RFT1: variants seen among roughly 807,000 people sequenced by gnomAD.
The protein encoded by RFT1 is RFT1 glycolipid translocator homolog, also known as man(5)GlcNAc(2)-PP-dolichol translocation protein RFT1.
RFT1 carries 43 observed loss-of-function variants against 62.2 expected under a neutral mutation model. The observed-to-expected ratio is 0.69, with a 90% CI of 0.54 to 0.89. The LOEUF is 0.89. RFT1 is among the 40% of genes least tolerant of loss of function. RFT1 has a pLI of 0.00. For missense variants in RFT1, 605 were observed against 649.9 expected, an observed-to-expected ratio of 0.93 and a Z score of 0.75; for synonymous variants, 262 against 264.6, an observed-to-expected ratio of 0.99 and a Z score of 0.10.
At chr3:53,107,102 T>G (rs1373345374) in intron 7 of RFT1, among the ~76,000 whole-genome samples, 1 of 146,154 alleles carries the variant, frequency 6.8e-6, no homozygotes, top group Non-Finnish European at 1.5e-5. Flanking sequence ...AAATTACAAA[T>G]AAAAAAAAAT....
intron 7 of RFT1, among the ~76,000 whole-genome samples, chr3:53,108,796 G>A (rs932749089): frequency 6.6e-6 from 1 of 151,856 alleles, no homozygotes; most frequent in Non-Finnish European, 1.5e-5. Context: ...TGCCTCCCGA[G>A]TAGCTGGGAT....
intron 7 of RFT1, among the ~76,000 whole-genome samples, chr3:53,107,892 C>T (rs1701531824): frequency 6.6e-6 from 1 of 152,154 alleles, no homozygotes; most frequent in African/African-American, 2.4e-5. Context: ...TGAGGATCTT[C>T]TCTCAAGACT....
downstream of RFT1, among the ~76,000 whole-genome samples, chr3:53,083,550 C>G (rs1575473249): frequency 6.6e-6 from 1 of 151,284 alleles, no homozygotes; most frequent in Admixed American, 6.6e-5. Flanking sequence ...GTGGATTTCT[C>G]CAGTGATGGT....
chr3:53,107,329 G>A (rs1362691988), intron 7 of RFT1, among the ~76,000 whole-genome samples: 1 of 151,918 alleles, frequency 6.6e-6, no homozygotes, highest in Non-Finnish European at 1.5e-5. Context: ...AGTAGAGATG[G>A]GGTTTCACTG....
Position 53,125,937 on chromosome 3 carries a change from T to C in RFT1, c.121A>G (p.Lys41Glu), listed in dbSNP as rs886058728. ...ACATTTACTACGCCAACGATTTCCTTTGACAGGAAGCGAAGAATAAATGCA... is the reference window on the plus strand; with the variant it reads ...ACATTTACTACGCCAACGATTTCCTCTGACAGGAAGCGAAGAATAAATGCA... ...LNAFILRFLS[K>E]EIVGVVNVRL... The change falls in exon 2 of 13, where the codon AAG (lysine) becomes GAG (glutamate). Residue 41 changes from lysine to glutamate, a missense_variant. Transcript: ENST00000296292. 2 of 1,613,806 alleles carry C rather than the reference T, an allele frequency of 1.2e-6. No homozygotes were observed. The highest frequency in any genetic ancestry group is 1.3e-5 in the African/African-American group (1 of 75,008).
chr3:53,113,043 T>G (rs1256907317), intron 6 of RFT1, among the ~76,000 whole-genome samples: 1 of 152,154 alleles, frequency 6.6e-6, no homozygotes, highest in Non-Finnish European at 1.5e-5. Context: ...AGAAACAGGG[T>G]CTCACTCTAT....
At chr3:53,083,536 G>A (rs969127360), downstream of RFT1, among the ~76,000 whole-genome samples, 2 of 149,934 alleles carry the variant, frequency 1.3e-5, no homozygotes, top group Admixed American at 1.3e-4. Context: ...AGACATGGTC[G>A]CAGGTGGATT....
chr3:53,106,748 G>C, intron 8 of RFT1, 71 bp downstream of exon 8: 1 of 1,115,588 alleles, frequency 9.0e-7, no homozygotes, highest in East Asian at 2.5e-5. Flanking sequence ...AAATATATCA[G>C]AGAAAAATAT....
intron 11 of RFT1, among the ~76,000 whole-genome samples, chr3:53,096,920 T>C (rs1054095891): frequency 6.6e-6 from 1 of 151,986 alleles, no homozygotes; most frequent in South Asian, 2.1e-4. Context: ...AATTTTTGTA[T>C]TTTTAGTAGA....
At chr3:53,083,328 A>T in the RFT1 span, among the ~76,000 whole-genome samples, 1 of 150,182 alleles carries the variant, frequency 6.7e-6, no homozygotes, top group East Asian at 2.0e-4. Context: ...TCTGGGCAAC[A>T]TAGTGAGACT....
intron 8 of RFT1, among the ~76,000 whole-genome samples, chr3:53,106,315 A>G (rs72965397): frequency 6.6e-6 from 1 of 152,336 alleles, no homozygotes; most frequent in African/African-American, 2.4e-5. Flanking sequence ...CAGTGGTAAC[A>G]TTTTGTAAAA....
downstream of RFT1, among the ~76,000 whole-genome samples, chr3:53,085,378 G>A (rs1700834135): frequency 6.6e-6 from 1 of 152,218 alleles, no homozygotes. Flanking sequence ...TAAGCGCCCA[G>A]GGCCCAGTGT....
At chr3:53,096,868 G>A (rs1701156626) in intron 11 of RFT1, among the ~76,000 whole-genome samples, 1 of 151,830 alleles carries the variant, frequency 6.6e-6, no homozygotes. Context: ...CTTCAGCCTC[G>A]CGGGTAGCTG....
downstream of RFT1, among the ~76,000 whole-genome samples, chr3:53,086,586 G>C (rs1171260009): frequency 6.6e-6 from 1 of 152,158 alleles, no homozygotes; most frequent in East Asian, 1.9e-4. Flanking sequence ...AAAGTGCTGG[G>C]ATTACAGGCG....
At chr3:53,075,097 T>TG in the RFT1 span, among the ~76,000 whole-genome samples, 1 of 152,156 alleles carries the variant, frequency 6.6e-6, no homozygotes, top group Non-Finnish European at 1.5e-5. Context: ...GCCTGACCCT[T>TG]GGGCCCCGTT....
At chr3:53,085,314 G>A (rs1022259484), downstream of RFT1, among the ~76,000 whole-genome samples, 5 of 152,176 alleles carry the variant, frequency 3.3e-5, no homozygotes, top group South Asian at 4.1e-4. Flanking sequence ...GCCTCACAGT[G>A]AGGCAGCCTC....
chr3:53,095,246 A>G (rs1173092418), intron 11 of RFT1, among the ~76,000 whole-genome samples: 1 of 152,160 alleles, frequency 6.6e-6, no homozygotes, highest in African/African-American at 2.4e-5. Flanking sequence ...CTGGAGACAG[A>G]GCAAGACTCC....
chr3:53,071,793 A>G, the RFT1 span, among the ~76,000 whole-genome samples: 3 of 152,198 alleles, frequency 2.0e-5, no homozygotes, highest in Non-Finnish European at 4.4e-5. Context: ...CAGGCTGAGA[A>G]CTACCTATCC....
At chr3:53,075,931 GTTT>G in the RFT1 span, among the ~76,000 whole-genome samples, 1 of 152,186 alleles carries the variant, frequency 6.6e-6, no homozygotes, top group African/African-American at 2.4e-5. Flanking sequence ...GGTTTAGCAA[GTTT>G]AAGGGGAAGT....
Sources: allele counts gnomAD v4.1 joint callset (sites outside exome capture counted in the v4.1 genomes callset), GRCh38; gene constraint gnomAD v4.1.1; transcripts MANE v1.5; gene names NCBI Gene and HGNC (gene_info 2026-07-23, HGNC 2026-07-21).